Variants in GUCY1A2 observed in about 807,000 individuals in gnomAD.
The protein encoded by GUCY1A2 is guanylate cyclase 1 soluble subunit alpha 2.
Under a neutral mutation model 63.5 loss-of-function variants are expected in GUCY1A2, and 27 were observed. The observed-to-expected ratio is 0.43, with a 90% CI of 0.31 to 0.59. The LOEUF (loss-of-function observed/expected upper bound fraction) is 0.59. GUCY1A2 is among the 20% of genes least tolerant of loss of function. GUCY1A2 has a pLI of 0.11. For missense variants in GUCY1A2, 768 were observed against 913.3 expected (o/e 0.84, Z 2.05); for synonymous variants, 364 against 343.5 (o/e 1.06, Z -0.66).
chr11:106,890,658 A>T (rs1859961443), intron 4 of GUCY1A2, among the ~76,000 whole-genome samples: 1 of 152,184 alleles, frequency 6.6e-6, no homozygotes, highest in Non-Finnish European at 1.5e-5. Context: ...CAATTTTTAC[A>T]CAAAATTTCA....
rs61390610 is a variant in GUCY1A2, at chr11:106,710,105, T to A, written c.1837-1439A>T. ...TATATATAATATATAGTTATATATA[T>A]TATATACATGTATATAATATAGTTA... On this transcript the variant is annotated intron_variant, in intron 6 of 7. Transcript: ENST00000526355. Among the ~76,000 whole-genome samples, 27 of 116,358 alleles carry A rather than the reference T, an allele frequency of 2.3e-4. 9 individuals are homozygous for A. The highest frequency in any genetic ancestry group is 4.1e-4 in the Admixed American group (4 of 9,820). The allele number at this position is 116,358 out of a possible 152,430, so 76.3% of individuals were successfully genotyped here. A position where few individuals can be genotyped will look rare whatever the true frequency, so the allele number is the denominator to read the frequency against.
chr11:106,787,590 A>AAGGGAAGGGGAGGGTG (rs1565289899), intron 5 of GUCY1A2, among the ~76,000 whole-genome samples: 2 of 135,678 alleles, frequency 1.5e-5, no homozygotes, highest in African/African-American at 2.7e-5. Context: ...AAGAAAAAGG[A>AAGGGAAGGGGAGGGTG]AGGGAAGGGA....
intron 4 of GUCY1A2, among the ~76,000 whole-genome samples, chr11:106,870,932 G>T (rs1156709911): frequency 6.6e-6 from 1 of 152,086 alleles, no homozygotes; most frequent in Non-Finnish European, 1.5e-5. Context: ...TAGGACTACA[G>T]GTATCCTATT....
chr11:106,862,259 A>C (rs531051952), intron 4 of GUCY1A2, among the ~76,000 whole-genome samples: 1 of 152,158 alleles, frequency 6.6e-6, no homozygotes, highest in East Asian at 1.9e-4. Flanking sequence ...CAAGTTCCTA[A>C]GTTTCTCATT....
intron 6 of GUCY1A2, among the ~76,000 whole-genome samples, chr11:106,744,874 C>T (rs1417840331): frequency 6.6e-6 from 1 of 152,004 alleles, no homozygotes; most frequent in Non-Finnish European, 1.5e-5. Flanking sequence ...TTCTCTTTGT[C>T]CTTAAACTGC....
chr11:106,832,735 C>A (rs1172001732), intron 4 of GUCY1A2, among the ~76,000 whole-genome samples: 1 of 151,988 alleles, frequency 6.6e-6, no homozygotes, highest in Non-Finnish European at 1.5e-5. Context: ...AATAAATGAA[C>A]CTATATAACA....
intron 1 of GUCY1A2, among the ~76,000 whole-genome samples, chr11:107,009,249 C>A (rs191048710): frequency 1.3e-5 from 2 of 152,214 alleles, no homozygotes; most frequent in South Asian, 2.1e-4. Context: ...GATATCTGAA[C>A]CTCCTATTGT....
intron 4 of GUCY1A2, among the ~76,000 whole-genome samples, chr11:106,826,085 A>T (rs1441164996): frequency 6.6e-6 from 1 of 152,238 alleles, no homozygotes; most frequent in Non-Finnish European, 1.5e-5. Flanking sequence ...CTAAATAGAT[A>T]ACTTACCTAA....
Position 106,676,614 on chromosome 11 carries a change from C to T in GUCY1A2, c.*10935G>A, listed in dbSNP as rs556241348. 1 of 189,190 alleles carries T rather than the reference C, an allele frequency of 5.3e-6. No individual in the cohort carries two copies. Among genetic ancestry groups the T allele is most frequent in the South Asian group, 1.9e-4 (1 of 5,148 alleles). The allele number at this position is 189,190 out of a possible 1,614,324, so 11.7% of individuals were successfully genotyped here. On this transcript the variant is annotated 3_prime_UTR_variant, in exon 8 of 8. Transcript: ENST00000526355. ...CATCATACTATGCCAAGCTGAATTA[C>T]AGAAGGGTATCTAAGAAAGAAGACA...
chr11:106,877,122 G>T (rs745996740), intron 4 of GUCY1A2, among the ~76,000 whole-genome samples: 5 of 152,010 alleles, frequency 3.3e-5, no homozygotes, highest in Non-Finnish European at 7.4e-5. Flanking sequence ...TTGGCTTTCA[G>T]CTTGACTACT....
At chr11:106,791,879 G>C (rs1040265955) in intron 5 of GUCY1A2, among the ~76,000 whole-genome samples, 2 of 151,988 alleles carry the variant, frequency 1.3e-5, no homozygotes, top group African/African-American at 4.8e-5. Context: ...CATACCAGAA[G>C]AGCTGGTACC....
In GUCY1A2 at chr11:106,674,728, A is replaced by G. The variant is rs116507817; in HGVS notation, c.*12821T>C. The G allele has an allele frequency of 3.0e-3, 609 of 202,350 alleles. 3 individuals carry two copies. The highest frequency in any genetic ancestry group is 0.013 in the African/African-American group (580 of 43,784). The allele number at this position is 202,350 out of a possible 1,614,324, so 12.5% of individuals were successfully genotyped here. A position where few individuals can be genotyped will look rare whatever the true frequency, so the allele number is the denominator to read the frequency against. On this transcript the variant is annotated 3_prime_UTR_variant, in exon 8 of 8. Coordinates refer to ENST00000526355, the MANE Select transcript of GUCY1A2 (RefSeq NM_000855.3). Reference sequence around the variant, plus strand: ...AAAGTAAATCTAATAACAAAGGAGCAGATATACAATATGATTTACATTGCA... The same window carrying G: ...AAAGTAAATCTAATAACAAAGGAGCGGATATACAATATGATTTACATTGCA...
intron 4 of GUCY1A2, among the ~76,000 whole-genome samples, chr11:106,829,637 T>C (rs982061349): frequency 6.6e-6 from 1 of 152,160 alleles, no homozygotes; most frequent in Non-Finnish European, 1.5e-5. Context: ...CCTGGATATT[T>C]TGAGCTCCTC....
At chr11:106,781,112 C>CAAAAAAAAAAAAAAAAAAA (rs565279937) in intron 5 of GUCY1A2, among the ~76,000 whole-genome samples, 2 of 89,032 alleles carry the variant, frequency 2.2e-5, no homozygotes, top group African/African-American at 4.1e-5. Context: ...AAACAGACTA[C>CAAAAAAAAAAAAAAAAAAA]AAAAAAAAAA....
chr11:106,776,698 T>A, intron 5 of GUCY1A2, 116 bp from the exon 6 acceptor site: 1 of 928,574 alleles, frequency 1.1e-6, no homozygotes, highest in Non-Finnish European at 1.7e-6. Flanking sequence ...CATCAATAAA[T>A]TAAGCAATTA....
In GUCY1A2 at chr11:106,940,136, A is replaced by T. The variant is rs776096280; in HGVS notation, c.530T>A (p.Phe177Tyr). The change falls in exon 4 of 8, where the codon TTC becomes TAC. Residue 177 changes from phenylalanine to tyrosine, a missense_variant. Physicochemically the swap from Phe to Tyr is conservative, Grantham distance 22. Transcript: ENST00000526355. ...EEIQKRFGEE[F>Y]FNICFHENER... ...ATTCTCATGAAAGCATATATTAAAG[A>T]ACTCTTCACCAAATCTTTTTTGAAT... The T allele has an allele frequency of 5.6e-6, 9 of 1,606,460 alleles. No individual in the cohort carries two copies. Among genetic ancestry groups the T allele is most frequent in the Non-Finnish European group, 7.7e-6 (9 of 1,175,316 alleles).
At chr11:106,885,984 G>A (rs1471846555) in intron 4 of GUCY1A2, among the ~76,000 whole-genome samples, 1 of 152,124 alleles carries the variant, frequency 6.6e-6, no homozygotes, top group Non-Finnish European at 1.5e-5. Flanking sequence ...GAAAAAGAGA[G>A]AGAGATTTTC....
chr11:106,850,140 C>A (rs1343012493), intron 4 of GUCY1A2, among the ~76,000 whole-genome samples: 1 of 151,744 alleles, frequency 6.6e-6, no homozygotes, highest in Non-Finnish European at 1.5e-5. Context: ...ACCATATTCC[C>A]ATGTTTCCTT....
chr11:106,973,740 A>G (rs1040476183), intron 3 of GUCY1A2, among the ~76,000 whole-genome samples: 2 of 152,226 alleles, frequency 1.3e-5, no homozygotes, highest in African/African-American at 4.8e-5. Context: ...GATATCAACA[A>G]GTTAGTTAAC....
Sources: allele counts gnomAD v4.1 joint callset (sites outside exome capture counted in the v4.1 genomes callset), GRCh38; gene constraint gnomAD v4.1.1; transcripts MANE v1.5; gene names NCBI Gene and HGNC (gene_info 2026-07-23, HGNC 2026-07-21).